The following RBBP4 variants were observed in gnomAD, a reference collection of about 807,000 sequenced individuals.
RBBP4 encodes the protein RB binding protein 4, chromatin remodeling factor.
Under a neutral mutation model 57.2 loss-of-function variants are expected in RBBP4, and 3 were observed. That is an observed-to-expected ratio of 0.05 (90% CI 0.02 to 0.14). The LOEUF (loss-of-function observed/expected upper bound fraction) is 0.14. Among genes scored for constraint, RBBP4 ranks in the 10% least tolerant of loss-of-function variants. RBBP4 has a pLI of 1.00. For missense variants in RBBP4, 107 were observed against 520.6 expected (o/e 0.21, Z 7.73); for synonymous variants, 151 against 171.5 (o/e 0.88, Z 0.93).
chr1:32,676,289 G>A (rs1649097513), intron 11 of RBBP4, among the ~76,000 whole-genome samples: 1 of 152,070 alleles, frequency 6.6e-6, no homozygotes, highest in African/African-American at 2.4e-5. Flanking sequence ...TTAAAATTTT[G>A]TGTATCTAGT....
intron 4 of RBBP4, 28 bp downstream of exon 4, chr1:32,668,426 A>G (rs746424432): frequency 3.3e-6 from 5 of 1,535,486 alleles, no homozygotes; most frequent in Non-Finnish European, 3.6e-6. Context: ...TTCAAATACA[A>G]ATGAGTCACT....
At chr1:32,651,434 T>G (rs1570814601) in intron 1 of RBBP4, 112 bp downstream of exon 1, 1 of 1,374,604 alleles carries the variant, frequency 7.3e-7, no homozygotes, top group South Asian at 1.8e-5. Context: ...CAGTCCCCGG[T>G]ACTGAAGGCG....
At chr1:32,674,906 T>A (rs969972062) in intron 11 of RBBP4, among the ~76,000 whole-genome samples, 1 of 151,138 alleles carries the variant, frequency 6.6e-6, no homozygotes, top group Non-Finnish European at 1.5e-5. Flanking sequence ...TTTTTTGTTG[T>A]TGTTTTTTAT....
In RBBP4 at chr1:32,684,364, C is replaced by G; in HGVS notation, c.*4659C>G. ...TTTCTTAACTGCCTCTGGCGTTCTT[C>G]CATTTCCTCCAGCTGTTCCTGCATG... On this transcript the variant is annotated 3_prime_UTR_variant, in exon 12 of 12. Coordinates refer to ENST00000373493, the MANE Select transcript of RBBP4 (RefSeq NM_005610.3). The G allele has an allele frequency of 6.2e-7, 1 of 1,614,164 alleles. No individual in the cohort carries two copies. Among genetic ancestry groups the G allele is most frequent in the Non-Finnish European group, 8.5e-7 (1 of 1,180,042 alleles).
chr1:32,656,077 G>C (rs1242333818), intron 2 of RBBP4, among the ~76,000 whole-genome samples: 25 of 152,084 alleles, frequency 1.6e-4, no homozygotes, highest in Admixed American at 1.6e-3. Context: ...AGTTTTAATC[G>C]GCCTTCTCTC....
At chr1:32,672,944 G>A (rs775157071) in intron 11 of RBBP4, 43 bp downstream of exon 11, 188 of 1,417,186 alleles carry the variant, frequency 1.3e-4, no homozygotes, top group Non-Finnish European at 1.8e-4. Context: ...AAATAAGTGA[G>A]ACATAGAATC....
At chr1:32,662,221 CA>C (rs1260437053) in intron 3 of RBBP4, 1 of 341,612 alleles carries the variant, frequency 2.9e-6, no homozygotes, top group Non-Finnish European at 6.1e-6. Flanking sequence ...ATTTTTTTAA[CA>C]AACAGTCTCT....
rs563323075 is a variant in RBBP4 at position 32,657,946 on chromosome 1, G to A, written c.310+374G>A. ...TCTCTCACTGCAACCTCCGCCTCCCGGGTTCAAGCGATTCTTCTGCCTCAT... is the reference window on the plus strand; with the variant it reads ...TCTCTCACTGCAACCTCCGCCTCCCAGGTTCAAGCGATTCTTCTGCCTCAT... On this transcript the variant is annotated intron_variant, in intron 3 of 11. Transcript: ENST00000373493. 3.3e-5 allele frequency among the ~76,000 whole-genome samples: 5 copies of A among 152,124 alleles called. No individual in the cohort carries two copies. In the East Asian group the frequency reaches 5.8e-4, roughly 18 times the overall value.
Position 32,651,810 on chromosome 1 carries a change from C to T in RBBP4, c.17-104C>T, listed in dbSNP as rs997809071. ...CTGCCGTGGGGATTTAGACAAATCA[C>T]CTCCATTTCATGGTTAGGCTGTAGG... is the stretch of plus-strand genomic sequence containing the variant. On this transcript the variant is annotated intron_variant, in intron 1 of 11. Transcript: ENST00000373493. 2.4e-5 allele frequency: 32 copies of T among 1,313,086 alleles called. No homozygotes were observed. In the South Asian group the frequency reaches 3.6e-4, roughly 15 times the overall value. 81.3% of individuals were successfully genotyped at this position (1,313,086 alleles called of 1,614,324 possible).
Position 32,685,506 on chromosome 1 carries a change from T to TA in RBBP4, c.*5802dup, listed in dbSNP as rs1486157461. The TA allele has an allele frequency of 1.3e-5, 2 of 152,236 alleles. No homozygotes were observed. The highest frequency in any genetic ancestry group is 2.9e-5 in the Non-Finnish European group (2 of 68,044). 9.4% of individuals were successfully genotyped at this position (152,236 alleles called of 1,614,324 possible). A position where few individuals can be genotyped will look rare whatever the true frequency, so the allele number is the denominator to read the frequency against. ...ATCCAGTTGTTGGGGTACATGCTAT[T>TA]ATTAGAAGGATCTAGATAATTTGTC... On this transcript the variant is annotated 3_prime_UTR_variant, in exon 12 of 12. Transcript: ENST00000373493.
rs1042637017 is a variant in RBBP4, at chr1:32,658,044, G to C, written c.310+472G>C. On this transcript the variant is annotated intron_variant, in intron 3 of 11. Transcript: ENST00000373493. ...ATTTTTGTATTTTTAGTGGAGACAG[G>C]GTTTCACCAAGTTGGCCAGGCTGGT... Among the ~76,000 whole-genome samples, 8 of 151,978 alleles carry C rather than the reference G, an allele frequency of 5.3e-5. No individual in the cohort carries two copies. In the South Asian group the frequency reaches 1.5e-3, roughly 28 times the overall value.
Position 32,682,071 on chromosome 1 carries a change from T to C in RBBP4, c.*2366T>C. The C allele has an allele frequency of 1.8e-6, 1 of 549,668 alleles. No homozygotes were observed. Among genetic ancestry groups the C allele is most frequent in the South Asian group, 2.3e-5 (1 of 43,636 alleles). 34.0% of individuals were successfully genotyped at this position (549,668 alleles called of 1,614,324 possible). A position where few individuals can be genotyped will look rare whatever the true frequency, so the allele number is the denominator to read the frequency against. ...TAAACGTTTTCTCTGCTAGGTTAACTTCTTACAGGTATAATTACAATGCCT... is the reference window on the plus strand; with the variant it reads ...TAAACGTTTTCTCTGCTAGGTTAACCTCTTACAGGTATAATTACAATGCCT... On this transcript the variant is annotated 3_prime_UTR_variant, in exon 12 of 12. Transcript: ENST00000373493.
Position 32,684,749 on chromosome 1 carries a change from T to C in RBBP4, c.*5044T>C. The C allele has an allele frequency of 5.9e-6, 1 of 168,400 alleles. No homozygotes were observed. The highest frequency in any genetic ancestry group is 1.6e-4 in the South Asian group (1 of 6,100). The allele number at this position is 168,400 out of a possible 1,614,324, so 10.4% of individuals were successfully genotyped here. A position where few individuals can be genotyped will look rare whatever the true frequency, so the allele number is the denominator to read the frequency against. On this transcript the variant is annotated 3_prime_UTR_variant, in exon 12 of 12. Transcript: ENST00000373493. Reference sequence around the variant, plus strand: ...CCCTCCATGTGCAGGTTTGTTAAGATAATTGGTAGTTTTTAATAATATAAA... The same window carrying C: ...CCCTCCATGTGCAGGTTTGTTAAGACAATTGGTAGTTTTTAATAATATAAA...
At chr1:32,658,045 G>A (rs371560304) in intron 3 of RBBP4, among the ~76,000 whole-genome samples, 4 of 152,002 alleles carry the variant, frequency 2.6e-5, no homozygotes, top group Non-Finnish European at 4.4e-5. Context: ...TGGAGACAGG[G>A]TTTCACCAAG....
intron 11 of RBBP4, among the ~76,000 whole-genome samples, chr1:32,674,468 A>C (rs564825077): frequency 6.6e-6 from 1 of 152,136 alleles, no homozygotes; most frequent in Non-Finnish European, 1.5e-5. Context: ...TTGTGAGCTC[A>C]AGCGATTTGC....
chr1:32,655,986 A>T (rs1009251566), intron 2 of RBBP4, among the ~76,000 whole-genome samples: 1 of 152,164 alleles, frequency 6.6e-6, no homozygotes, highest in African/African-American at 2.4e-5. Context: ...GTTTCTAACA[A>T]GTTCCCAGAT....
rs1248160964 is a variant in RBBP4, at chr1:32,657,408, C to T, written c.165-19C>T. 1 of 1,606,386 alleles carries T rather than the reference C, an allele frequency of 6.2e-7. No homozygotes were observed. The highest frequency in any genetic ancestry group is 1.3e-5 in the African/African-American group (1 of 74,650). On this transcript the variant is annotated intron_variant, in intron 2 of 11. Transcript: ENST00000373493. ...CTGATGTTACTAATTTGAACAGTGA[C>T]TATATATTGCCGTTACAGACCAGAA... is the stretch of plus-strand genomic sequence containing the variant.
intron 3 of RBBP4, among the ~76,000 whole-genome samples, chr1:32,663,818 C>T (rs955501943): frequency 2.6e-5 from 4 of 151,908 alleles, no homozygotes; most frequent in African/African-American, 4.8e-5. Flanking sequence ...CCTCGTGATC[C>T]GCCTGCCTCG....
intron 2 of RBBP4, 137 bp downstream of exon 2, chr1:32,652,198 C>T (rs1395773502): frequency 1.0e-6 from 1 of 991,006 alleles, no homozygotes; most frequent in East Asian, 2.5e-5. Flanking sequence ...TTCTAGGCCA[C>T]AAAGTAAGGC....
Sources: allele counts gnomAD v4.1 joint callset (sites outside exome capture counted in the v4.1 genomes callset), GRCh38; gene constraint gnomAD v4.1.1; transcripts MANE v1.5; gene names NCBI Gene and HGNC (gene_info 2026-07-23, HGNC 2026-07-21).